The following DOK6 variants were observed in gnomAD, a reference collection of about 807,000 sequenced individuals.
The protein encoded by DOK6 is downstream of tyrosine kinase 6.
A neutral mutation model predicts 44.0 loss-of-function variants in DOK6; 22 were observed. The observed-to-expected ratio is 0.50, with a 90% CI of 0.36 to 0.71. DOK6 has a LOEUF of 0.71. Ranked by LOEUF, DOK6 falls within the 30% of genes least tolerant of loss-of-function variation. The probability of loss-of-function intolerance (pLI) is 0.00; values close to 1 mark genes in which losing one functional copy is unlikely to be tolerated. For synonymous variants in DOK6, 166 were observed against 145.5 expected (o/e 1.14, Z -1.01); for missense variants, 340 against 416.4 (o/e 0.82, Z 1.60).
At chr18:69,821,487 T>C (rs538114468) in intron 7 of DOK6, among the ~76,000 whole-genome samples, 1 of 152,216 alleles carries the variant, frequency 6.6e-6, no homozygotes, top group African/African-American at 2.4e-5. Flanking sequence ...GTTTATAGGA[T>C]ATTTACCCCG....
chr18:69,757,555 A>G (rs1599308763), intron 6 of DOK6, among the ~76,000 whole-genome samples: 1 of 152,216 alleles, frequency 6.6e-6, no homozygotes, highest in Middle Eastern at 3.4e-3. Context: ...TTCTTAATTA[A>G]TGAGTAAAAT....
chr18:69,591,130 A>T (rs763094533), intron 2 of DOK6, among the ~76,000 whole-genome samples: 3 of 152,196 alleles, frequency 2.0e-5, no homozygotes, highest in Non-Finnish European at 4.4e-5. Context: ...ACAAATAAAC[A>T]TGCCAATTTT....
intron 4 of DOK6, among the ~76,000 whole-genome samples, chr18:69,690,226 T>C (rs1159658512): frequency 6.6e-6 from 1 of 152,030 alleles, no homozygotes; most frequent in Non-Finnish European, 1.5e-5. Flanking sequence ...GTTCAAGAAA[T>C]GTAAGCATTC....
At chr18:69,439,081 C>T (rs1016524846) in intron 1 of DOK6, among the ~76,000 whole-genome samples, 3 of 151,872 alleles carry the variant, frequency 2.0e-5, no homozygotes, top group Non-Finnish European at 4.4e-5. Flanking sequence ...CAAACAAAAA[C>T]AACAATCACC....
Position 69,697,828 on chromosome 18 carries a change from G to A in DOK6, c.410-576G>A, listed in dbSNP as rs193090073. ...ACCAAAGCAATGTCTTAAGTTCTGC[G>A]GAAGGCTGTAATGAATATCTGCAAT... On this transcript the variant is annotated intron_variant, in intron 4 of 7. Transcript: ENST00000382713. Among the ~76,000 whole-genome samples the A allele has an allele frequency of 4.2e-3, 636 of 152,230 alleles. 5 individuals carry two copies. Among genetic ancestry groups the A allele is most frequent in the African/African-American group, 0.015 (606 of 41,544 alleles).
chr18:69,525,242 C>T lies in DOK6; in HGVS notation c.67-39245C>T, dbSNP rs542080372. Reference sequence around the variant, plus strand: ...TAATAAAATGCAACCTTGATTGTTACCATTATCCTCAAATGTCAAATTATT... The same window carrying T: ...TAATAAAATGCAACCTTGATTGTTATCATTATCCTCAAATGTCAAATTATT... On this transcript the variant is annotated intron_variant, in intron 1 of 7. Coordinates refer to ENST00000382713, the MANE Select transcript of DOK6 (RefSeq NM_152721.6). Among the ~76,000 whole-genome samples, 6 of 151,788 alleles carry T rather than the reference C, an allele frequency of 4.0e-5. No individual in the cohort carries two copies. The South Asian group carries it at 8.3e-4, about 21-fold the overall frequency.
intron 1 of DOK6, among the ~76,000 whole-genome samples, chr18:69,498,062 A>C (rs1195428697): frequency 1.3e-5 from 2 of 151,730 alleles, no homozygotes. Flanking sequence ...ACACAAATAC[A>C]CACACACACA....
chr18:69,838,023 A>AT (rs1178118636), intron 7 of DOK6, among the ~76,000 whole-genome samples: 3 of 152,122 alleles, frequency 2.0e-5, no homozygotes, highest in African/African-American at 7.2e-5. Flanking sequence ...GGAGCCTGGA[A>AT]TTTTTTAATA....
intron 1 of DOK6, among the ~76,000 whole-genome samples, chr18:69,429,338 CCT>C (rs1161790231): frequency 6.6e-6 from 1 of 151,444 alleles, no homozygotes. Context: ...GTGGTTCTGC[CCT>C]GTTTAACTGC....
intron 2 of DOK6, among the ~76,000 whole-genome samples, chr18:69,584,545 G>A (rs1983453421): frequency 6.6e-6 from 1 of 152,150 alleles, no homozygotes; most frequent in South Asian, 2.1e-4. Flanking sequence ...GCTCACTTCG[G>A]CCTCCCAAAG....
intron 5 of DOK6, among the ~76,000 whole-genome samples, chr18:69,730,163 T>C (rs1978355031): frequency 6.6e-6 from 1 of 152,208 alleles, no homozygotes; most frequent in South Asian, 2.1e-4. Context: ...AGCAGCCTGC[T>C]CTGACATCTG....
chr18:69,714,036 G>A (rs952982209), intron 5 of DOK6, among the ~76,000 whole-genome samples: 18 of 152,238 alleles, frequency 1.2e-4, no homozygotes, highest in African/African-American at 4.1e-4. Context: ...GACCTCCAGC[G>A]GGACAGGAGG....
intron 5 of DOK6, among the ~76,000 whole-genome samples, chr18:69,716,178 C>T (rs1228460216): frequency 1.3e-5 from 2 of 152,174 alleles, no homozygotes; most frequent in Non-Finnish European, 2.9e-5. Context: ...AGAGCAGCAT[C>T]AAACCCTCCC....
At chr18:69,720,413 T>C (rs1053631066) in intron 5 of DOK6, among the ~76,000 whole-genome samples, 1 of 152,192 alleles carries the variant, frequency 6.6e-6, no homozygotes, top group Non-Finnish European at 1.5e-5. Context: ...TATTTAAATA[T>C]GCTTAAGACA....
At chr18:69,452,489 G>T (rs1002436932) in intron 1 of DOK6, among the ~76,000 whole-genome samples, 1 of 129,716 alleles carries the variant, frequency 7.7e-6, no homozygotes, top group African/African-American at 3.0e-5. Context: ...GGTACAAGGA[G>T]GAACTGGTAC....
chr18:69,795,080 C>T (rs1022327211), intron 7 of DOK6, among the ~76,000 whole-genome samples: 8 of 152,062 alleles, frequency 5.3e-5, no homozygotes, highest in African/African-American at 7.2e-5. Context: ...CCATCCCCCA[C>T]CCTGATCCAT....
intron 1 of DOK6, among the ~76,000 whole-genome samples, chr18:69,417,044 A>G (rs1320544371): frequency 2.0e-5 from 3 of 152,158 alleles, no homozygotes; most frequent in East Asian, 1.9e-4. Flanking sequence ...TGGGATATTC[A>G]TCACCTCAAA....
intron 7 of DOK6, among the ~76,000 whole-genome samples, chr18:69,826,015 A>G (rs1011559075): frequency 1.3e-5 from 2 of 152,118 alleles, no homozygotes; most frequent in African/African-American, 4.8e-5. Context: ...GAGGTCAGTG[A>G]AGAGTTTTGA....
intron 1 of DOK6, among the ~76,000 whole-genome samples, chr18:69,463,566 A>T (rs1269432509): frequency 6.6e-6 from 1 of 152,218 alleles, no homozygotes; most frequent in Non-Finnish European, 1.5e-5. Flanking sequence ...CTCATTTCTG[A>T]GTAAGATACT....
Sources: allele counts gnomAD v4.1 joint callset (sites outside exome capture counted in the v4.1 genomes callset), GRCh38; gene constraint gnomAD v4.1.1; transcripts MANE v1.5; gene names NCBI Gene and HGNC (gene_info 2026-07-23, HGNC 2026-07-21).